The following UACA variants were observed in gnomAD, a reference collection of about 807,000 sequenced individuals.
UACA encodes nuclear membrane binding protein.
Under a neutral mutation model 160.5 loss-of-function variants are expected in UACA, and 112 were observed. The observed-to-expected ratio is 0.70, with a 90% CI of 0.60 to 0.82. The LOEUF is 0.82. Among genes scored for constraint, UACA ranks in the 40% least tolerant of loss-of-function variants. The pLI, the probability that UACA is intolerant of heterozygous loss-of-function variation, is 0.00. For missense variants in UACA, 1,574 were observed against 1,614.6 expected, an observed-to-expected ratio of 0.97 and a Z score of 0.43; for synonymous variants, 557 against 568.4, an observed-to-expected ratio of 0.98 and a Z score of 0.29.
chr15:70,670,983 G>C, intron 15 of UACA, 56 bp downstream of exon 15: 2 of 1,175,974 alleles, frequency 1.7e-6, no homozygotes, highest in South Asian at 3.7e-5. Flanking sequence ...TCTTTATAAA[G>C]GCACAAAAAT....
chr15:70,722,884 C>A (rs1899033359), intron 1 of UACA, among the ~76,000 whole-genome samples: 2 of 152,016 alleles, frequency 1.3e-5, no homozygotes, highest in South Asian at 2.1e-4. Context: ...TAAGGTGGCA[C>A]CACTCAGAAG....
chr15:70,755,676 T>TAAAA (rs569011645), intron 1 of UACA, among the ~76,000 whole-genome samples: 31 of 141,254 alleles, frequency 2.2e-4, no homozygotes, highest in African/African-American at 6.4e-4. Flanking sequence ...TTCTCAAAAA[T>TAAAA]AAAAAAAAAA....
chr15:70,717,343 C>T (rs968055410), intron 1 of UACA, among the ~76,000 whole-genome samples: 1 of 152,224 alleles, frequency 6.6e-6, no homozygotes, highest in Non-Finnish European at 1.5e-5. Context: ...TAAGAGCCTT[C>T]TCTATGTGTA....
At chr15:70,762,794 G>T (rs1398060798) in intron 1 of UACA, among the ~76,000 whole-genome samples, 2 of 152,244 alleles carry the variant, frequency 1.3e-5, no homozygotes, top group Non-Finnish European at 2.9e-5. Flanking sequence ...GCCAGCACGG[G>T]ACGTCCACCA....
In UACA at chr15:70,695,061, G is replaced by A. The variant is rs2140957953; in HGVS notation, c.257C>T (p.Ala86Val). 1.2e-6 allele frequency: 2 copies of A among 1,610,248 alleles called. No individual in the cohort carries two copies. The change falls in exon 3 of 19, where the codon GCC becomes GTC. Residue 86 changes from alanine to valine, a missense_variant. Ala to Val is a moderately conservative substitution (Grantham distance 64). Transcript: ENST00000322954. ...AATATCAACTCCATGTATAAGGATG[G>A]CATTCAAACACTCAAGATTCCCCTT... ...TSKGNLECLN[A>V]ILIHGVDITT...
intron 1 of UACA, among the ~76,000 whole-genome samples, chr15:70,719,833 G>A (rs919868836): frequency 3.3e-5 from 5 of 152,122 alleles, no homozygotes; most frequent in Admixed American, 6.5e-5. Context: ...AAATCCCCTA[G>A]GGCCAAGAAA....
chr15:70,763,244 G>C (rs1210805372), intron 1 of UACA, 86 bp downstream of exon 1: 1 of 1,264,906 alleles, frequency 7.9e-7, no homozygotes, highest in East Asian at 3.2e-5. Flanking sequence ...GAAAAGCAGA[G>C]GAAGGCGGCG....
At chr15:70,714,731 T>C (rs549242989) in intron 1 of UACA, among the ~76,000 whole-genome samples, 2 of 152,322 alleles carry the variant, frequency 1.3e-5, no homozygotes, top group South Asian at 4.1e-4. Flanking sequence ...CAAGATTTCC[T>C]AACCACCCGG....
chr15:70,700,318 T>TATATATATATACAC (rs565377949), intron 1 of UACA, among the ~76,000 whole-genome samples: 6 of 139,762 alleles, frequency 4.3e-5, no homozygotes, highest in African/African-American at 1.7e-4. Flanking sequence ...TATATATATA[T>TATATATATATACAC]ACACACACAC....
intron 1 of UACA, among the ~76,000 whole-genome samples, chr15:70,717,887 AAC>A (rs773307712): frequency 1.2e-4 from 19 of 152,082 alleles, no homozygotes; most frequent in Non-Finnish European, 2.4e-4. Context: ...TAAGGGCAAA[AAC>A]AGGATTCCCA....
In UACA at chr15:70,669,302, A is replaced by G. The variant is rs1370575616; in HGVS notation, c.1382T>C (p.Leu461Pro). The change falls in exon 16 of 19, where the codon CTG becomes CCG. Residue 461 changes from leucine (L) to proline (P), a missense_variant. Leu to Pro is a moderately conservative substitution (Grantham distance 98). Coordinates refer to ENST00000322954, the MANE Select transcript of UACA (RefSeq NM_018003.4). ...TFCESAKQDR[L>P]KLQNELAHKV... ...GTGTGCCAGTTCATTTTGGAGCTTC[A>G]GTCGGTCTTGTTTTGCTGACTCACA... 3.7e-6 allele frequency: 6 copies of G among 1,614,098 alleles called. No individual in the cohort carries two copies. In the South Asian group the frequency reaches 5.5e-5, roughly 15 times the overall value.
chr15:70,705,590 A>T (rs761273606), intron 1 of UACA, among the ~76,000 whole-genome samples: 3 of 152,170 alleles, frequency 2.0e-5, no homozygotes. Context: ...TCTAGAAGTA[A>T]CAATTTACAA....
At chr15:70,673,583 T>C (rs999480983) in intron 13 of UACA, among the ~76,000 whole-genome samples, 1 of 152,230 alleles carries the variant, frequency 6.6e-6, no homozygotes, top group African/African-American at 2.4e-5. Context: ...TAGGGGGTGC[T>C]ATGCACATAA....
At chr15:70,761,625 A>G (rs906075336) in intron 1 of UACA, among the ~76,000 whole-genome samples, 2 of 152,222 alleles carry the variant, frequency 1.3e-5, no homozygotes, top group Admixed American at 6.5e-5. Flanking sequence ...TTATTTTTAA[A>G]TTGTACAGAA....
In UACA at chr15:70,763,408, G is replaced by T. The variant is rs959225338; in HGVS notation, c.-1C>A. On this transcript the variant is annotated 5_prime_UTR_variant, in exon 1 of 19. Transcript: ENST00000322954. ...TCAGGCGGGACTTGAGGCTCTTCAT[G>T]GCTAACTCTTGCCTGGCCCCCGCGC... is the stretch of plus-strand genomic sequence containing the variant. 15 of 1,317,090 alleles carry T rather than the reference G, an allele frequency of 1.1e-5. No individual in the cohort carries two copies. The highest frequency in any genetic ancestry group is 4.6e-5 in the African/African-American group (3 of 64,730). 81.6% of individuals were successfully genotyped at this position (1,317,090 alleles called of 1,614,324 possible).
At chr15:70,764,409 G>T (rs951745665), upstream of UACA, among the ~76,000 whole-genome samples, 17 of 152,130 alleles carry the variant, frequency 1.1e-4, no homozygotes, top group Non-Finnish European at 2.2e-4. Flanking sequence ...TATTTAAGAG[G>T]ATGAAGAAAC....
At chr15:70,729,414 C>T (rs1899247891) in intron 1 of UACA, among the ~76,000 whole-genome samples, 1 of 152,118 alleles carries the variant, frequency 6.6e-6, no homozygotes, top group South Asian at 2.1e-4. Flanking sequence ...GGCCACTATC[C>T]CACGCAAATT....
intron 1 of UACA, among the ~76,000 whole-genome samples, chr15:70,712,118 A>G: frequency 6.7e-6 from 1 of 150,288 alleles, no homozygotes; most frequent in Middle Eastern, 3.2e-3. Flanking sequence ...AAGTACCTAC[A>G]TGTCCCAAAC....
intron 1 of UACA, among the ~76,000 whole-genome samples, chr15:70,741,610 A>G (rs1899537626): frequency 6.6e-6 from 1 of 152,248 alleles, no homozygotes. Flanking sequence ...CACAATTTCA[A>G]TGAAAATGTT....
Sources: allele counts gnomAD v4.1 joint callset (sites outside exome capture counted in the v4.1 genomes callset), GRCh38; gene constraint gnomAD v4.1.1; transcripts MANE v1.5; gene names NCBI Gene and HGNC (gene_info 2026-07-23, HGNC 2026-07-21).